STARD13: variants seen among roughly 807,000 people sequenced by gnomAD.
STARD13 encodes the protein StAR related lipid transfer domain containing 13.
A neutral mutation model predicts 106.4 loss-of-function variants in STARD13; 62 were observed. That is an observed-to-expected ratio of 0.58 (90% CI 0.48 to 0.72). The LOEUF is 0.72. STARD13 is among the 30% of genes least tolerant of loss of function. The pLI, the probability that STARD13 is intolerant of heterozygous loss-of-function variation, is 0.00. For missense variants in STARD13, 1,387 were observed against 1,424.0 expected, an observed-to-expected ratio of 0.97 and a Z score of 0.42; for synonymous variants, 565 against 553.0, an observed-to-expected ratio of 1.02 and a Z score of -0.31.
At chr13:33,478,957 G>A in the STARD13 span, among the ~76,000 whole-genome samples, 1 of 151,922 alleles carries the variant, frequency 6.6e-6, no homozygotes, top group Non-Finnish European at 1.5e-5. Context: ...ATTACAAATT[G>A]GGAAAGAATA....
At chr13:33,645,617 A>G in the STARD13 span, among the ~76,000 whole-genome samples, 2 of 152,240 alleles carry the variant, frequency 1.3e-5, no homozygotes, top group African/African-American at 4.8e-5. Flanking sequence ...TTGGGCAGCC[A>G]AAGTCTAAAG....
chr13:33,501,020 AC>A, the STARD13 span, among the ~76,000 whole-genome samples: 10 of 149,296 alleles, frequency 6.7e-5, no homozygotes, highest in African/African-American at 2.2e-4. Flanking sequence ...AAAAAAAAAA[AC>A]CTAAAAAAAT....
Position 33,168,749 on chromosome 13 carries a change from C to A in STARD13, c.170-1127G>T, listed in dbSNP as rs542486256. 2.0e-5 allele frequency among the ~76,000 whole-genome samples: 3 copies of A among 152,318 alleles called. No homozygotes were observed. The South Asian group carries it at 6.2e-4, about 32-fold the overall frequency. On this transcript the variant is annotated intron_variant, in intron 1 of 13. Transcript: ENST00000336934. The stretch of plus-strand genomic sequence containing the variant: ...GATCTACACTAACATCACCCTGGGC[C>A]TGCGATTGTACCTCAACATTGAAAG...
the STARD13 span, among the ~76,000 whole-genome samples, chr13:33,357,974 G>A: frequency 6.6e-6 from 1 of 152,202 alleles, no homozygotes; most frequent in African/African-American, 2.4e-5. Flanking sequence ...GCAGGGAGGT[G>A]TGGAGGGAGA....
At chr13:33,439,372 T>C in the STARD13 span, among the ~76,000 whole-genome samples, 2 of 152,248 alleles carry the variant, frequency 1.3e-5, no homozygotes, top group Admixed American at 1.3e-4. Context: ...AATCTTTTAT[T>C]TAATTCCTAT....
chr13:33,634,299 T>C, the STARD13 span, among the ~76,000 whole-genome samples: 1 of 152,198 alleles, frequency 6.6e-6, no homozygotes, highest in Non-Finnish European at 1.5e-5. Context: ...CATGAATTAC[T>C]GACTTACCCA....
At chr13:33,480,960 C>G in the STARD13 span, among the ~76,000 whole-genome samples, 1 of 152,180 alleles carries the variant, frequency 6.6e-6, no homozygotes, top group East Asian at 1.9e-4. Flanking sequence ...TCAAGAGGCT[C>G]TCATTGACCA....
chr13:33,288,526 C>T (rs1892164298), upstream of STARD13, among the ~76,000 whole-genome samples: 1 of 151,822 alleles, frequency 6.6e-6, no homozygotes, highest in Non-Finnish European at 1.5e-5. Flanking sequence ...TCTCCTGCCT[C>T]AGCTTCCCAA....
chr13:33,285,348 G>A, intron 1 of STARD13, 122 bp downstream of exon 1: 1 of 1,055,860 alleles, frequency 9.5e-7, no homozygotes, highest in South Asian at 1.6e-5. Context: ...GTTACGGGTA[G>A]TGTGGCATAG....
chr13:33,247,826 G>A (rs922538533), intron 1 of STARD13, among the ~76,000 whole-genome samples: 2 of 152,082 alleles, frequency 1.3e-5, no homozygotes, highest in Non-Finnish European at 2.9e-5. Flanking sequence ...AAAATAGTGG[G>A]TGCTGAGACC....
chr13:33,383,769 A>G, the STARD13 span: 2 of 151,488 alleles, frequency 1.3e-5, no homozygotes, highest in African/African-American at 4.9e-5. Context: ...AAAAAAAAAA[A>G]AAAAAAAAAA....
chr13:33,379,210 G>A, the STARD13 span, among the ~76,000 whole-genome samples: 1 of 152,190 alleles, frequency 6.6e-6, no homozygotes, highest in Non-Finnish European at 1.5e-5. Flanking sequence ...AACTGGATCT[G>A]ATTTTCCTTA....
At chr13:33,614,996 A>C in the STARD13 span, among the ~76,000 whole-genome samples, 1 of 152,198 alleles carries the variant, frequency 6.6e-6, no homozygotes, top group Non-Finnish European at 1.5e-5. Flanking sequence ...CAGGTGCATA[A>C]GGGACTTTAA....
chr13:33,460,183 G>A, the STARD13 span, among the ~76,000 whole-genome samples: 537 of 152,022 alleles, frequency 3.5e-3, 2 homozygotes, highest in African/African-American at 0.013. Flanking sequence ...TGGGATGAAG[G>A]TCAATGGTAA....
chr13:33,517,089 C>CTT, the STARD13 span, among the ~76,000 whole-genome samples: 2 of 151,954 alleles, frequency 1.3e-5, no homozygotes, highest in Non-Finnish European at 2.9e-5. Context: ...GTTCCTTTTA[C>CTT]TTTTTTTAAA....
the STARD13 span, among the ~76,000 whole-genome samples, chr13:33,399,490 C>T: frequency 1.3e-5 from 2 of 151,756 alleles, no homozygotes; most frequent in East Asian, 1.9e-4. Context: ...GTCAGGAGAT[C>T]GAGACCATCC....
intron 1 of STARD13, among the ~76,000 whole-genome samples, chr13:33,307,102 T>C (rs368937047): frequency 1.3e-5 from 2 of 152,150 alleles, no homozygotes; most frequent in East Asian, 3.9e-4. Context: ...AAAACCACAA[T>C]GAGATACCAT....
At chr13:33,651,583 G>A in the STARD13 span, among the ~76,000 whole-genome samples, 1,221 of 150,554 alleles carry the variant, frequency 8.1e-3, 13 homozygotes, top group Admixed American at 0.014. Context: ...TAAGGAGAAA[G>A]TGTCTTTTTA....
chr13:33,625,343 G>C, the STARD13 span, among the ~76,000 whole-genome samples: 5 of 152,006 alleles, frequency 3.3e-5, no homozygotes, highest in East Asian at 9.8e-4. Flanking sequence ...AGGCCGAGGC[G>C]GGCAGGTCAT....
Sources: allele counts gnomAD v4.1 joint callset (sites outside exome capture counted in the v4.1 genomes callset), GRCh38; gene constraint gnomAD v4.1.1; transcripts MANE v1.5; gene names NCBI Gene and HGNC (gene_info 2026-07-23, HGNC 2026-07-21).